The following LYRM4 variants were observed in gnomAD, a reference collection of about 807,000 sequenced individuals.
LYRM4 encodes the protein LYR motif containing 4, also known as LYR motif-containing protein 4.
LYRM4 carries 9 observed loss-of-function variants against 11.7 expected under a neutral mutation model. That is an observed-to-expected ratio of 0.77 (90% confidence interval 0.46 to 1.34). The LOEUF is 1.34. Ranked by LOEUF, LYRM4 falls within the 40% of genes most tolerant of loss-of-function variation. LYRM4 has a pLI of 0.00. For synonymous variants in LYRM4, 42 were observed against 40.4 expected (o/e 1.04, Z -0.15); for missense variants, 133 against 112.5 (o/e 1.18, Z -0.82).
At position 5,152,408 on chromosome 6, in the gene LYRM4, C is replaced by T. The variant is rs191811132; in HGVS notation, c.208-42917G>A. On this transcript the variant is annotated intron_variant, in intron 2 of 2. Transcript: ENST00000330636. ...GACACACATGTACTACCTCCAGTGC[C>T]GGCATGACGTACTAGATTAAATAGG... Among the ~76,000 whole-genome samples the T allele has an allele frequency of 5.9e-4, 90 of 152,236 alleles. 1 individual carries two copies. Among genetic ancestry groups the T allele is most frequent in the Admixed American group, 5.3e-3 (81 of 15,286 alleles).
intron 2 of LYRM4, among the ~76,000 whole-genome samples, chr6:5,132,144 A>G (rs1354958609): frequency 6.6e-6 from 1 of 152,220 alleles, no homozygotes. Flanking sequence ...CTCAGGGATT[A>G]AGTTTGAGGA....
rs1221653237 is a variant in LYRM4 at position 5,185,878 on chromosome 6, CAG to C, written c.207+30738_207+30739del. On this transcript the variant is annotated intron_variant, in intron 2 of 2. Transcript: ENST00000330636. ...GGGCAGTGCCTGAGTTTTAGAGGGACAGAGTGGGAGGGCCAGCAGACGAGACT... is the reference window on the plus strand; with the variant it reads ...GGGCAGTGCCTGAGTTTTAGAGGGACAGTGGGAGGGCCAGCAGACGAGACT... Among the ~76,000 whole-genome samples, 3 of 151,996 alleles carry C rather than the reference CAG, an allele frequency of 2.0e-5. No individual in the cohort carries two copies. The East Asian group carries it at 5.8e-4, about 29-fold the overall frequency.
At chr6:5,112,373 A>G (rs1762923183) in intron 2 of LYRM4, among the ~76,000 whole-genome samples, 1 of 152,240 alleles carries the variant, frequency 6.6e-6, no homozygotes, top group Non-Finnish European at 1.5e-5. Flanking sequence ...GTGATGAGCG[A>G]GCGAGCGAAG....
At chr6:5,100,897 T>C (rs557462054), downstream of LYRM4, among the ~76,000 whole-genome samples, 2 of 152,356 alleles carry the variant, frequency 1.3e-5, no homozygotes, top group Non-Finnish European at 2.9e-5. Context: ...AAGTCCATCA[T>C]TTGGAAATGC....
intron 2 of LYRM4, 128 bp downstream of exon 2, chr6:5,216,490 C>T: frequency 9.3e-7 from 1 of 1,070,578 alleles, no homozygotes. Flanking sequence ...TGTATTAGTA[C>T]AAGGAACAGA....
chr6:5,099,316 G>A (rs1488147827), downstream of LYRM4, among the ~76,000 whole-genome samples: 1 of 151,230 alleles, frequency 6.6e-6, no homozygotes, highest in East Asian at 1.9e-4. This position sits in a 1 kb window ranked among gnomAD's most constrained non-coding sequence, Gnocchi z 4.3. Flanking sequence ...GATCTTCCTA[G>A]CTCAGCCTCC....
chr6:5,041,206 G>A, the LYRM4 span, among the ~76,000 whole-genome samples: 1 of 86,512 alleles, frequency 1.2e-5, no homozygotes, highest in Non-Finnish European at 3.1e-5. Flanking sequence ...TTGGCACAAA[G>A]GAGTGACAAA....
chr6:5,038,884 GAGAGAGA>G, the LYRM4 span, among the ~76,000 whole-genome samples: 39 of 8,356 alleles, frequency 4.7e-3, 1 homozygote, highest in African/African-American at 0.011. Flanking sequence ...ACCGTGGAGG[GAGAGAGA>G]GGGAGAGGGA....
At position 5,165,904 on chromosome 6, in the gene LYRM4, T is replaced by G. The variant is rs376994610; in HGVS notation, c.207+50714A>C. ...AGAAAATATGGTACTGTGATTGAGC[T>G]TCACATATAATTCACTAAAAAATTC... On this transcript the variant is annotated intron_variant, in intron 2 of 2. Transcript: ENST00000330636. 2.4e-4 allele frequency among the ~76,000 whole-genome samples: 37 copies of G among 152,294 alleles called. 1 individual carries two copies. The East Asian group carries it at 5.8e-3, about 24-fold the overall frequency.
intron 1 of LYRM4, among the ~76,000 whole-genome samples, chr6:5,248,659 A>C (rs1260237212): frequency 6.6e-6 from 1 of 152,218 alleles, no homozygotes; most frequent in Non-Finnish European, 1.5e-5. Flanking sequence ...AGCTCAGGTC[A>C]GCCACCACTG....
chr6:5,153,243 C>A (rs1035875795), intron 2 of LYRM4, among the ~76,000 whole-genome samples: 1 of 152,080 alleles, frequency 6.6e-6, no homozygotes, highest in African/African-American at 2.4e-5. Context: ...AGGTGTGCAC[C>A]AACACGCCTG....
At chr6:5,031,931 A>T in the LYRM4 span, 2 of 152,200 alleles carry the variant, frequency 1.3e-5, no homozygotes, top group African/African-American at 4.8e-5. Flanking sequence ...GATCAATGGA[A>T]ACACTCAATC....
intron 2 of LYRM4, among the ~76,000 whole-genome samples, chr6:5,159,470 TTTTAA>T (rs1758621664): frequency 6.6e-6 from 1 of 152,240 alleles, no homozygotes; most frequent in Non-Finnish European, 1.5e-5. Context: ...AAAGGACTTA[TTTTAA>T]TTTATTCATT....
At chr6:5,064,687 G>A in the LYRM4 span, among the ~76,000 whole-genome samples, 3 of 152,160 alleles carry the variant, frequency 2.0e-5, no homozygotes, top group Admixed American at 1.3e-4. Context: ...CTACAAGGGC[G>A]AACCATTGTG....
At chr6:5,241,187 TA>T (rs200170027) in intron 1 of LYRM4, among the ~76,000 whole-genome samples, 6 of 150,756 alleles carry the variant, frequency 4.0e-5, no homozygotes, top group Non-Finnish European at 7.4e-5. Flanking sequence ...AGATGGTTAA[TA>T]AAAAAAAAGA....
intron 2 of LYRM4, among the ~76,000 whole-genome samples, chr6:5,160,475 G>A (rs1357183445): frequency 6.6e-6 from 1 of 152,010 alleles, no homozygotes; most frequent in Non-Finnish European, 1.5e-5. Context: ...TGTTCTTGTG[G>A]TAGTGACTAA....
At chr6:5,226,230 T>TA (rs1170493391) in intron 1 of LYRM4, among the ~76,000 whole-genome samples, 3 of 152,278 alleles carry the variant, frequency 2.0e-5, no homozygotes, top group South Asian at 4.1e-4. Flanking sequence ...TTGTGAGATT[T>TA]AAAAAAATAT....
chr6:5,111,490 G>A (rs573995147), intron 2 of LYRM4, among the ~76,000 whole-genome samples: 40 of 152,316 alleles, frequency 2.6e-4, no homozygotes, highest in African/African-American at 9.4e-4. Context: ...GGCTGGCTTG[G>A]GAAGCTGTGA....
intron 2 of LYRM4, among the ~76,000 whole-genome samples, chr6:5,147,249 T>C (rs1757778856): frequency 6.6e-6 from 1 of 152,198 alleles, no homozygotes. Context: ...TTTGTTACCT[T>C]AACAAAACAA....
Sources: allele counts gnomAD v4.1 joint callset (sites outside exome capture counted in the v4.1 genomes callset), GRCh38; gene constraint gnomAD v4.1.1; non-coding constraint Gnocchi (gnomAD v3.1); transcripts MANE v1.5; gene names NCBI Gene and HGNC (gene_info 2026-07-23, HGNC 2026-07-21).